The following PRDM1 variants were observed in gnomAD, a reference collection of about 807,000 sequenced individuals.
The protein encoded by PRDM1 is PR domain zinc finger protein 1.
A neutral mutation model predicts 62.8 loss-of-function variants in PRDM1; 13 were observed. The ratio of observed to expected loss-of-function variants is 0.21; its 90% CI spans 0.13 to 0.33. The LOEUF is 0.33. PRDM1 is among the 10% of genes least tolerant of loss of function. The pLI is 1.00. For missense variants in PRDM1, 895 were observed against 1,058.8 expected (o/e 0.85, Z 2.15); for synonymous variants, 396 against 417.6 (o/e 0.95, Z 0.63).
At chr6:106,037,396 T>A (rs890344723) in intron 1 of PRDM1, among the ~76,000 whole-genome samples, 2 of 152,202 alleles carry the variant, frequency 1.3e-5, no homozygotes, top group Admixed American at 1.3e-4. Flanking sequence ...ATATCTCTCA[T>A]CAAATTTGGT....
Position 106,108,650 on chromosome 6 carries a change from T to G in PRDM1, c.*1164T>G, listed in dbSNP as rs563688094. 3.8e-4 allele frequency: 88 copies of G among 233,006 alleles called. No homozygotes were observed. The highest frequency in any genetic ancestry group is 6.1e-4 in the Non-Finnish European group (72 of 117,846). 14.4% of individuals were successfully genotyped at this position (233,006 alleles called of 1,614,324 possible). ...CACAAACAACAAAAAACGGGTATTC[T>G]AGTCATCTTGGGGTAAAAGCGGGTA... On this transcript the variant is annotated 3_prime_UTR_variant, in exon 7 of 7. Coordinates refer to ENST00000369096, the MANE Select transcript of PRDM1 (RefSeq NM_001198.4).
intron 1 of PRDM1, among the ~76,000 whole-genome samples, chr6:106,060,055 A>T (rs1026967668): frequency 6.6e-5 from 10 of 152,192 alleles, no homozygotes; most frequent in Non-Finnish European, 1.3e-4. Flanking sequence ...TGCTCAGGGG[A>T]GTGTTCCAGG....
Position 106,095,789 on chromosome 6 carries a change from A to G in PRDM1, c.411+55A>G, listed in dbSNP as rs1352401943. ...TAAATGTTAGGAAAAAATGGAGCTAAAAGAGCTGGGTGGCTCACCTTTCTC... is the reference window on the plus strand; with the variant it reads ...TAAATGTTAGGAAAAAATGGAGCTAGAAGAGCTGGGTGGCTCACCTTTCTC... On this transcript the variant is annotated intron_variant, in intron 3 of 6. Transcript: ENST00000369096. 3.1e-6 allele frequency: 5 copies of G among 1,593,310 alleles called. No homozygotes were observed. The African/African-American group carries it at 6.7e-5, about 21-fold the overall frequency.
intron 1 of PRDM1, among the ~76,000 whole-genome samples, chr6:106,012,094 A>G (rs1387775296): frequency 5.0e-5 from 7 of 138,780 alleles, no homozygotes; most frequent in Non-Finnish European, 9.2e-5. Context: ...CATACCACAC[A>G]CACCACACCC....
At chr6:106,012,747 CG>C (rs1747193416) in intron 1 of PRDM1, among the ~76,000 whole-genome samples, 1 of 152,068 alleles carries the variant, frequency 6.6e-6, no homozygotes, top group South Asian at 2.1e-4. Context: ...TCAGAAAACT[CG>C]GGAACTCTGA....
chr6:106,106,853 C>T lies in PRDM1; in HGVS notation c.1903-58C>T. 6.6e-7 allele frequency: 1 copy of T among 1,525,914 alleles called. No individual in the cohort carries two copies. The highest frequency in any genetic ancestry group is 8.9e-7 in the Non-Finnish European group (1 of 1,123,794). 94.5% of individuals were successfully genotyped at this position (1,525,914 alleles called of 1,614,324 possible). On this transcript the variant is annotated intron_variant, in intron 6 of 6. Transcript: ENST00000369096. The surrounding 1 kb of genome is among the most constrained non-coding windows in gnomAD (Gnocchi z 4.4). ...AAGCCTGCCCCTCCCGTTGGCAACT[C>T]TTAATCTTCTGGCCTTCCTGTCTCC...
At chr6:106,085,034 T>G (rs1424584580), upstream of PRDM1, among the ~76,000 whole-genome samples, 4 of 152,212 alleles carry the variant, frequency 2.6e-5, no homozygotes, top group Admixed American at 2.6e-4. Flanking sequence ...TTTCTAAAAG[T>G]GAGAAAAGAA....
chr6:106,018,702 G>A (rs1772654971), intron 1 of PRDM1, among the ~76,000 whole-genome samples: 1 of 152,132 alleles, frequency 6.6e-6, no homozygotes, highest in African/African-American at 2.4e-5. Flanking sequence ...TTTGGAGGAA[G>A]ACCAGACAGG....
chr6:106,028,704 G>A (rs1772797758), intron 1 of PRDM1, among the ~76,000 whole-genome samples: 1 of 152,074 alleles, frequency 6.6e-6, no homozygotes, highest in Non-Finnish European at 1.5e-5. Context: ...ACAGACACAT[G>A]TGATGTCATC....
intron 1 of PRDM1, among the ~76,000 whole-genome samples, chr6:106,006,105 G>A (rs1467323654): frequency 3.3e-5 from 5 of 152,182 alleles, no homozygotes; most frequent in East Asian, 1.9e-4. Context: ...GAAGGTGTCC[G>A]ATTCCTCTGA....
At chr6:106,022,137 T>C (rs1031394310) in intron 1 of PRDM1, among the ~76,000 whole-genome samples, 4 of 152,238 alleles carry the variant, frequency 2.6e-5, no homozygotes, top group African/African-American at 9.6e-5. Flanking sequence ...GTACTTCCAT[T>C]GAAAGAGCAA....
chr6:106,105,183 C>A lies in PRDM1; in HGVS notation c.1023C>A (p.Ser341Arg). 1 of 1,613,332 alleles carries A rather than the reference C, an allele frequency of 6.2e-7. No homozygotes were observed. The highest frequency in any genetic ancestry group is 2.2e-5 in the East Asian group (1 of 44,862). ...CCACTCCAAGCCCCTCTGCAAGAAG[C>A]AGCCCCGACCAAAGCCTCAAGAGCT... Reference protein sequence around the residue: ...SSTTPSPSARSSPDQSLKSSS... With the variant: ...SSTTPSPSARRSPDQSLKSSS... Residue 341 changes from serine to arginine, a missense_variant, in exon 5 of 7, where the codon AGC (serine) becomes AGA (arginine). This residue lies in a region of PRDM1 where 444 missense variants were observed against 422.7 expected (regional missense o/e 1.05). Coordinates refer to ENST00000369096, the MANE Select transcript of PRDM1 (RefSeq NM_001198.4).
rs764177122 is a variant in PRDM1, at chr6:106,106,443, G to A, written c.1846G>A (p.Ala616Thr). The A allele has an allele frequency of 1.2e-6, 2 of 1,614,078 alleles. No individual in the cohort carries two copies. Among genetic ancestry groups the A allele is most frequent in the African/African-American group, 1.3e-5 (1 of 75,008 alleles). ...QTCNKGFTQL[A>T]HLQKHYLVHT... ...TTGCAACAAGGGCTTTACTCAGCTC[G>A]CCCACCTGCAGAAACACTACCTGGT... The change falls in exon 6 of 7, where the codon GCC (alanine) becomes ACC (threonine). Residue 616 changes from alanine (A) to threonine (T), a missense_variant. By Grantham distance (58) the Ala-to-Thr change is moderately conservative (BLOSUM62 0). Coordinates refer to ENST00000369096, the MANE Select transcript of PRDM1 (RefSeq NM_001198.4). The surrounding 1 kb of genome is among the most constrained non-coding windows in gnomAD (Gnocchi z 4.4).
At chr6:106,049,681 T>A (rs1156377770) in intron 1 of PRDM1, among the ~76,000 whole-genome samples, 3 of 151,676 alleles carry the variant, frequency 2.0e-5, no homozygotes, top group Non-Finnish European at 4.4e-5. Context: ...CACATGCACA[T>A]GGCCACACAC....
chr6:105,993,778 T>C (rs1218983391), intron 1 of PRDM1, among the ~76,000 whole-genome samples: 1 of 152,172 alleles, frequency 6.6e-6, no homozygotes, highest in Non-Finnish European at 1.5e-5. Flanking sequence ...AGTGGTGGTA[T>C]GGGGCTCTGA....
upstream of PRDM1, among the ~76,000 whole-genome samples, chr6:106,082,434 T>G (rs183647886): frequency 1.5e-3 from 233 of 152,316 alleles, 1 homozygote; most frequent in African/African-American, 5.4e-3. Context: ...ATTTATTAAG[T>G]TGGTAGATGC....
At chr6:106,044,194 C>CT (rs559769433), upstream of PRDM1, among the ~76,000 whole-genome samples, 2,994 of 128,034 alleles carry the variant, frequency 0.023, 55 homozygotes, top group African/African-American at 0.051. Flanking sequence ...TTTTTTCTTT[C>CT]TTTTTTTTTT....
intron 1 of PRDM1, among the ~76,000 whole-genome samples, chr6:106,074,149 T>C (rs1734970377): frequency 1.3e-5 from 2 of 152,218 alleles, no homozygotes; most frequent in Admixed American, 1.3e-4. Context: ...AATTGATCTA[T>C]GGTAGTGAGA....
At chr6:105,998,845 A>G (rs1173721627) in intron 1 of PRDM1, among the ~76,000 whole-genome samples, 1 of 150,560 alleles carries the variant, frequency 6.6e-6, no homozygotes, top group Non-Finnish European at 1.5e-5. Context: ...GGTTACTATA[A>G]TCAACCTGGC....
Sources: allele counts gnomAD v4.1 joint callset (sites outside exome capture counted in the v4.1 genomes callset), GRCh38; gene constraint gnomAD v4.1.1; regional missense constraint gnomAD v4.1.1; non-coding constraint Gnocchi (gnomAD v3.1); transcripts MANE v1.5; gene names NCBI Gene and HGNC (gene_info 2026-07-23, HGNC 2026-07-21).